DNAH7: variants seen among roughly 807,000 people sequenced by gnomAD.
DNAH7 encodes dynein axonemal heavy chain 7, also known as axonemal beta dynein heavy chain 7.
In DNAH7, 397 loss-of-function variants were observed where a neutral mutation model predicts 444.6. The observed-to-expected ratio is 0.89, with a 90% CI of 0.82 to 0.97. The LOEUF is 0.97. DNAH7 is among the 50% of genes least tolerant of loss of function. The pLI is 0.00. For missense variants in DNAH7, 4,902 were observed against 4,800.8 expected (o/e 1.02, Z -0.62); for synonymous variants, 1,636 against 1,624.4 (o/e 1.01, Z -0.17).
At chr2:195,809,448 G>T (rs1696858929) in intron 52 of DNAH7, among the ~76,000 whole-genome samples, 1 of 152,042 alleles carries the variant, frequency 6.6e-6, no homozygotes, top group Non-Finnish European at 1.5e-5. Flanking sequence ...CTACTACCTG[G>T]TGTAAACGTA....
At chr2:195,823,200 C>G (rs1481297486) in intron 49 of DNAH7, among the ~76,000 whole-genome samples, 2 of 152,064 alleles carry the variant, frequency 1.3e-5, no homozygotes, top group African/African-American at 4.8e-5. Flanking sequence ...TTAAAAATAG[C>G]CAAGAATTTC....
chr2:195,804,837 T>C (rs1696632056), intron 54 of DNAH7, among the ~76,000 whole-genome samples: 1 of 150,058 alleles, frequency 6.7e-6, no homozygotes, highest in Non-Finnish European at 1.5e-5. Flanking sequence ...TGTCCACATA[T>C]CTATCTATCT....
At chr2:195,782,912 C>A (rs1289550644) in intron 58 of DNAH7, among the ~76,000 whole-genome samples, 1 of 152,170 alleles carries the variant, frequency 6.6e-6, no homozygotes, top group Non-Finnish European at 1.5e-5. Flanking sequence ...CTTTAAATCT[C>A]ATCTATTTTC....
intron 40 of DNAH7, among the ~76,000 whole-genome samples, chr2:195,865,382 C>T (rs1700269298): frequency 6.6e-6 from 1 of 152,012 alleles, no homozygotes; most frequent in Non-Finnish European, 1.5e-5. Flanking sequence ...CAGGGGGTAC[C>T]CAACACCTTT....
At chr2:195,859,202 C>T (rs1045541028) in intron 42 of DNAH7, among the ~76,000 whole-genome samples, 1 of 152,094 alleles carries the variant, frequency 6.6e-6, no homozygotes, top group Non-Finnish European at 1.5e-5. Context: ...TTTAAACGCA[C>T]TTCAGTGCTC....
At chr2:195,748,520 A>G (rs1041341041) in intron 63 of DNAH7, among the ~76,000 whole-genome samples, 106 of 152,324 alleles carry the variant, frequency 7.0e-4, no homozygotes, top group African/African-American at 2.4e-3. Flanking sequence ...AAGAGCCCAC[A>G]TCGCGAAGTC....
intron 19 of DNAH7, among the ~76,000 whole-genome samples, chr2:195,946,262 A>T (rs988685001): frequency 2.6e-5 from 4 of 152,228 alleles, no homozygotes; most frequent in African/African-American, 9.6e-5. Context: ...TAATCTTAAA[A>T]GTAAGCAGGC....
chr2:195,852,085 C>G (rs1053333293), intron 46 of DNAH7, among the ~76,000 whole-genome samples: 1 of 151,946 alleles, frequency 6.6e-6, no homozygotes, highest in Non-Finnish European at 1.5e-5. Flanking sequence ...GGTGAAACCC[C>G]GTCTCTACTA....
In DNAH7 at chr2:196,047,502, T is replaced by C. The variant is rs776003759; in HGVS notation, c.251-3A>G. The stretch of plus-strand genomic sequence containing the variant: ...TCCAAAACGTTCCATGTATTCAGCT[T>C]AAATTAAAACAAAAAAAAAAGCACA... On this transcript the variant is annotated splice_region_variant and splice_polypyrimidine_tract_variant and intron_variant, in intron 4 of 64. Coordinates refer to ENST00000312428, the MANE Select transcript of DNAH7 (RefSeq NM_018897.3). The C allele has an allele frequency of 1.3e-6, 2 of 1,545,614 alleles. No individual in the cohort carries two copies. The highest frequency in any genetic ancestry group is 1.7e-6 in the Non-Finnish European group (2 of 1,144,770).
chr2:195,861,953 G>A lies in DNAH7; in HGVS notation c.7507-7C>T. 1 of 1,600,956 alleles carries A rather than the reference G, an allele frequency of 6.2e-7. No individual in the cohort carries two copies. The highest frequency in any genetic ancestry group is 8.6e-7 in the Non-Finnish European group (1 of 1,168,342). ...GTGCATCTTCAGGCCATGACTAAATGTAAGATAAATGCTTTAGCATTTTAT... is the reference window on the plus strand; with the variant it reads ...GTGCATCTTCAGGCCATGACTAAATATAAGATAAATGCTTTAGCATTTTAT... On this transcript the variant is annotated splice_polypyrimidine_tract_variant and splice_region_variant and intron_variant, in intron 41 of 64. Transcript: ENST00000312428.
At chr2:195,860,015 T>G (rs1016378342) in intron 42 of DNAH7, among the ~76,000 whole-genome samples, 1 of 152,174 alleles carries the variant, frequency 6.6e-6, no homozygotes, top group South Asian at 2.1e-4. Context: ...GGAATTCTAG[T>G]TGAGGTAAAG....
At chr2:195,830,273 A>G (rs1697997655) in intron 48 of DNAH7, among the ~76,000 whole-genome samples, 3 of 152,212 alleles carry the variant, frequency 2.0e-5, no homozygotes, top group Admixed American at 6.5e-5. Flanking sequence ...AATACTTTTG[A>G]GTAAGGCAGA....
At chr2:195,818,053 G>T (rs1697304407) in intron 49 of DNAH7, among the ~76,000 whole-genome samples, 1 of 152,170 alleles carries the variant, frequency 6.6e-6, no homozygotes, top group South Asian at 2.1e-4. Flanking sequence ...TACCTCAAAG[G>T]GTTTGTTTGG....
intron 64 of DNAH7, among the ~76,000 whole-genome samples, chr2:195,739,447 T>C (rs1692856615): frequency 6.6e-6 from 1 of 152,218 alleles, no homozygotes; most frequent in African/African-American, 2.4e-5. Context: ...AGATCTACCC[T>C]TCAAATTGCT....
In DNAH7 at chr2:195,864,727, GT is replaced by G. The variant is rs747230864; in HGVS notation, c.6927del (p.Lys2309AsnfsTer3). ...HLEEYNNISK[K>X]PMNLVLFRFA... The stretch of plus-strand genomic sequence containing the variant: ...AATCGAAACAAGACAAGGTTCATGG[GT>G]TTTTTGCTTATATTGTTGTATTCTT... On this transcript the variant is annotated frameshift_variant, in exon 41 of 65. Transcript: ENST00000312428. LOFTEE classifies it high-confidence loss of function. 9.9e-6 allele frequency: 16 copies of G among 1,614,018 alleles called. No individual in the cohort carries two copies. The East Asian group carries it at 2.2e-4, about 22-fold the overall frequency.
Position 195,816,651 on chromosome 2 carries a change from C to T in DNAH7, c.9738G>A (p.Glu3246=). ...NLFILSIENS[E]KSEILAKRLQ... is the part of the protein sequence containing the mutation. ...ACCTTTTTGCCAAAATTTCTGATTT[C>T]TCTGAATTTTCAATAGACAGGATGA... Residue 3246 remains glutamate, a synonymous_variant, in exon 51 of 65, where the codon GAG becomes GAA. Coordinates refer to ENST00000312428, the MANE Select transcript of DNAH7 (RefSeq NM_018897.3). 1.9e-6 allele frequency: 3 copies of T among 1,611,000 alleles called. No individual in the cohort carries two copies. The South Asian group carries it at 3.3e-5, about 18-fold the overall frequency.
At chr2:195,898,645 G>A (rs1686492789) in intron 28 of DNAH7, among the ~76,000 whole-genome samples, 1 of 152,210 alleles carries the variant, frequency 6.6e-6, no homozygotes, top group Admixed American at 6.5e-5. Context: ...TCTGACAGAA[G>A]CCGAAGTGGA....
At chr2:195,958,160 C>G (rs1009016979) in intron 18 of DNAH7, among the ~76,000 whole-genome samples, 1 of 151,904 alleles carries the variant, frequency 6.6e-6, no homozygotes, top group Non-Finnish European at 1.5e-5. Context: ...CTCCTGTCTC[C>G]CCTAACACCC....
At chr2:195,834,422 A>G in intron 47 of DNAH7, 62 bp from the exon 48 acceptor site, 2 of 1,488,540 alleles carry the variant, frequency 1.3e-6, no homozygotes, top group Non-Finnish European at 1.8e-6. Context: ...CTACTTAATC[A>G]TGTTCACATC....
Sources: allele counts gnomAD v4.1 joint callset (sites outside exome capture counted in the v4.1 genomes callset), GRCh38; gene constraint gnomAD v4.1.1; transcripts MANE v1.5; gene names NCBI Gene and HGNC (gene_info 2026-07-23, HGNC 2026-07-21).